IFT122: variants seen among roughly 807,000 people sequenced by gnomAD.
IFT122 encodes intraflagellar transport protein 122 homolog.
Under a neutral mutation model 161.6 loss-of-function variants are expected in IFT122, and 118 were observed. The observed-to-expected ratio is 0.73, with a 90% CI of 0.63 to 0.85. IFT122 has a LOEUF of 0.85. IFT122 is among the 40% of genes least tolerant of loss of function. The probability of loss-of-function intolerance (pLI) is 0.00; values close to 1 mark genes in which losing one functional copy is unlikely to be tolerated. For synonymous variants in IFT122, 550 were observed against 602.4 expected, an observed-to-expected ratio of 0.91 and a Z score of 1.27; for missense variants, 1,381 against 1,579.6, an observed-to-expected ratio of 0.87 and a Z score of 2.13.
intron 23 of IFT122, among the ~76,000 whole-genome samples, chr3:129,510,824 C>A (rs1366829065): frequency 1.3e-5 from 2 of 152,192 alleles, no homozygotes; most frequent in Non-Finnish European, 2.9e-5. Flanking sequence ...ACGTGACAGA[C>A]CCTGTGATGA....
At chr3:129,469,499 A>G (rs545691640) in intron 9 of IFT122, 82 bp downstream of exon 9, 10 of 1,094,876 alleles carry the variant, frequency 9.1e-6, no homozygotes, top group South Asian at 2.5e-5. Flanking sequence ...TTAATTATAC[A>G]TTATCATTGT....
chr3:129,469,132 G>C (rs1200339472), intron 8 of IFT122, among the ~76,000 whole-genome samples: 1 of 152,248 alleles, frequency 6.6e-6, no homozygotes, highest in Non-Finnish European at 1.5e-5. Flanking sequence ...TGAAACAGCA[G>C]ATCCCAGGAA....
At chr3:129,461,015 C>G in intron 4 of IFT122, 1 of 1,207,160 alleles carries the variant, frequency 8.3e-7, no homozygotes, top group Non-Finnish European at 1.2e-6. Flanking sequence ...AAGTGAGTCC[C>G]CATCTCTACA....
intron 1 of IFT122, among the ~76,000 whole-genome samples, chr3:129,443,513 C>T (rs1173536695): frequency 1.3e-5 from 2 of 152,220 alleles, no homozygotes; most frequent in African/African-American, 4.8e-5. Context: ...CCTGATGGGC[C>T]AGATGGACTG....
chr3:129,519,251 G>A, intron 28 of IFT122, 65 bp downstream of exon 28: 1 of 1,411,412 alleles, frequency 7.1e-7, no homozygotes, highest in Non-Finnish European at 1.0e-6. Context: ...GTGCACATGG[G>A]GACCCTCAGC....
chr3:129,495,745 T>C, intron 18 of IFT122, 138 bp downstream of exon 18: 1 of 1,054,194 alleles, frequency 9.5e-7, no homozygotes, highest in East Asian at 2.5e-5. Flanking sequence ...GGGAAACTGG[T>C]AAACAAAGGA....
chr3:129,446,135 G>A (rs896824014), intron 1 of IFT122, among the ~76,000 whole-genome samples: 3 of 152,044 alleles, frequency 2.0e-5, no homozygotes, highest in African/African-American at 4.8e-5. Context: ...CTAAAGCCTA[G>A]TACCTCAAGG....
rs780370898 is a variant in IFT122, at chr3:129,504,340, C to A, written c.2569C>A (p.His857Asn). ...WDEAFALGEK[H>N]PEFKDDIYMP... ...CCAGGCCTTTGCTTTGGGTGAGAAGCATCCTGAGTTTAAGGATGACATCTA... is the reference window on the plus strand; with the variant it reads ...CCAGGCCTTTGCTTTGGGTGAGAAGAATCCTGAGTTTAAGGATGACATCTA... The change falls in exon 21 of 30, where the codon CAT (histidine) becomes AAT (asparagine). Residue 857 changes from histidine to asparagine, a missense_variant. Physicochemically the swap from His to Asn is moderately conservative, Grantham distance 68. Coordinates refer to ENST00000348417, the MANE Select transcript of IFT122 (RefSeq NM_052989.3). 5 of 1,613,896 alleles carry A rather than the reference C, an allele frequency of 3.1e-6. No individual in the cohort carries two copies. In the East Asian group the frequency reaches 6.7e-5, roughly 22 times the overall value.
chr3:129,514,425 C>G lies in IFT122; in HGVS notation c.3024C>G (p.Ala1008=). The G allele has an allele frequency of 1.2e-6, 2 of 1,614,200 alleles. No homozygotes were observed. Among genetic ancestry groups the G allele is most frequent in the Non-Finnish European group, 1.7e-6 (2 of 1,180,030 alleles). The change falls in exon 25 of 30, where the codon GCC becomes GCG. Residue 1008 remains alanine (A), a synonymous_variant. Coordinates refer to ENST00000348417, the MANE Select transcript of IFT122 (RefSeq NM_052989.3). The stretch of plus-strand genomic sequence containing the variant: ...TCACCTTGGCCAAGCAGAGCAAGGC[C>G]CTCGGTGCCTACAGGCTGGCCCGGC... ...ILFTLAKQSK[A]LGAYRLARHA...
At chr3:129,461,200 T>C (rs1409886317) in intron 4 of IFT122, 28 bp from the exon 5 acceptor site, 3 of 1,550,726 alleles carry the variant, frequency 1.9e-6, no homozygotes, top group Non-Finnish European at 2.7e-6. Context: ...GTTTGCTGCA[T>C]AGTAATCTAC....
At position 129,440,255 on chromosome 3, in the gene IFT122, G is replaced by A. The variant is rs2072765764; in HGVS notation, c.-76G>A. 3 of 1,537,414 alleles carry A rather than the reference G, an allele frequency of 2.0e-6. No individual in the cohort carries two copies. Among genetic ancestry groups the A allele is most frequent in the African/African-American group, 2.7e-5 (2 of 72,838 alleles). On this transcript the variant is annotated 5_prime_UTR_variant, in exon 1 of 30. Transcript: ENST00000348417. ...GGTAGCCAAAGTGGCTTGTGGAGTG[G>A]CGACCGTTAGTGAGGCGGTTGCTGA...
intron 1 of IFT122, among the ~76,000 whole-genome samples, chr3:129,446,704 G>A (rs74882653): frequency 0.074 from 11,278 of 152,146 alleles, 1,122 homozygotes; most frequent in East Asian, 0.41. Flanking sequence ...ACCACCTTGG[G>A]CACATGTTCT....
intron 9 of IFT122, among the ~76,000 whole-genome samples, chr3:129,474,743 C>A (rs1197240024): frequency 2.0e-5 from 3 of 152,264 alleles, no homozygotes; most frequent in Admixed American, 2.0e-4. Context: ...GGAGTTTGAC[C>A]TGCATCCTAG....
intron 12 of IFT122, among the ~76,000 whole-genome samples, chr3:129,478,433 GTTTTA>G (rs146257299): frequency 1.3e-5 from 2 of 151,880 alleles, no homozygotes; most frequent in Admixed American, 6.6e-5. Context: ...ATGTTTTTTT[GTTTTA>G]TTTTATTATT....
chr3:129,485,141 G>A (rs1222726251), intron 15 of IFT122, among the ~76,000 whole-genome samples: 1 of 152,188 alleles, frequency 6.6e-6, no homozygotes, highest in African/African-American at 2.4e-5. Context: ...ATTGTAAATA[G>A]CAGGCATCTT....
At position 129,512,332 on chromosome 3, in the gene IFT122, T is replaced by C. The variant is rs765280340; in HGVS notation, c.2907T>C (p.His969=). The change falls in exon 24 of 30, where the codon CAT becomes CAC. Residue 969 remains histidine (H), a synonymous_variant. Transcript: ENST00000348417. The part of the protein sequence containing the change: ...HRHTEDPFSV[H]RPETLFNISR... ...TGCAGGAAGATCCGTTCAGTGTCCA[T>C]CGTCCTGAAACTCTTTTCAACATCT... 3.7e-6 allele frequency: 6 copies of C among 1,613,938 alleles called. No homozygotes were observed. The South Asian group carries it at 5.5e-5, about 15-fold the overall frequency.
At chr3:129,513,201 C>G (rs1486369239) in intron 24 of IFT122, 1 of 152,292 alleles carries the variant, frequency 6.6e-6, no homozygotes, top group Non-Finnish European at 1.5e-5. Flanking sequence ...CCTGAAGGGC[C>G]TGTGCAGCCA....
chr3:129,511,280 G>A (rs2082793526), intron 23 of IFT122, among the ~76,000 whole-genome samples: 1 of 152,198 alleles, frequency 6.6e-6, no homozygotes, highest in South Asian at 2.1e-4. Context: ...CCCTGGAAAG[G>A]ATGTGGTCTC....
Position 129,520,238 on chromosome 3 carries a change from C to T in IFT122, c.3699C>T (p.Arg1233=). ...VLQHGCCPYC[R]RCKDDPGP ...AGCATGGCTGCTGCCCCTACTGCCG[C>T]AGGTGCAAGGATGACCCTGGCCCAT... is the stretch of plus-strand genomic sequence containing the variant. Residue 1233 remains arginine, a synonymous_variant, in exon 30 of 30, where the codon CGC becomes CGT. Transcript: ENST00000348417. 1 of 1,611,108 alleles carries T rather than the reference C, an allele frequency of 6.2e-7. No homozygotes were observed.
Sources: gnomAD v4.1 joint callset for allele counts (sites outside exome capture counted in the v4.1 genomes callset) on GRCh38, gnomAD v4.1.1 for gene constraint, MANE v1.5 for transcripts, NCBI Gene and HGNC (gene_info 2026-07-23, HGNC 2026-07-21) for gene names.